GPR17: variants seen among roughly 807,000 people sequenced by gnomAD.
GPR17 encodes the protein uracil nucleotide/cysteinyl leukotriene receptor.
GPR17 carries 4 observed loss-of-function variants against 1.5 expected under a neutral mutation model. The observed-to-expected ratio is 2.73, with a 90% CI of 1.35 to 6.25. The LOEUF (loss-of-function observed/expected upper bound fraction) is 6.25, where lower values mean the gene tolerates loss of function less well. Ranked by LOEUF, GPR17 falls within the 30% of genes most tolerant of loss-of-function variation. GPR17 has a pLI of 0.00. For missense variants in GPR17, 463 were observed against 462.1 expected (o/e 1.00, Z -0.02); for synonymous variants, 209 against 207.6 (o/e 1.01, Z -0.06).
intron 1 of GPR17, chr2:127,649,797 G>A (rs891203643): frequency 2.5e-5 from 14 of 563,728 alleles, no homozygotes; most frequent in Non-Finnish European, 4.4e-5. Context: ...CTTCAAACGT[G>A]GGCAAGCCAC....
chr2:127,651,941 GCCAC>G lies in GPR17; in HGVS notation c.*189_*192del. ...AAGAACTGACAAAGGGGATCCATCG[GCCAC>G]CCCTCTGCAGGGGCTTGTGATGGCT... is the stretch of plus-strand genomic sequence containing the variant. On this transcript the variant is annotated 3_prime_UTR_variant, in exon 2 of 2. Coordinates refer to ENST00000486700, the MANE Select transcript of GPR17 (RefSeq NM_001161417.2). 1.6e-6 allele frequency: 1 copy of G among 633,680 alleles called. No individual in the cohort carries two copies. The allele number at this position is 633,680 out of a possible 1,614,324, so 39.3% of individuals were successfully genotyped here. A position where few individuals can be genotyped will look rare whatever the true frequency, so the allele number is the denominator to read the frequency against.
In GPR17 at chr2:127,651,554, C is replaced by T; in HGVS notation, c.819C>T (p.Arg273=). ...RSHGASCATQ[R]ILALANRITS... ...ATGGGGCCTCCTGCGCCACCCAGCG[C>T]ATCCTGGCCCTGGCAAACCGCATCA... Residue 273 remains arginine, a synonymous_variant, in exon 2 of 2, where the codon CGC becomes CGT. Coordinates refer to ENST00000486700, the MANE Select transcript of GPR17 (RefSeq NM_001161417.2). 7 of 1,612,686 alleles carry T rather than the reference C, an allele frequency of 4.3e-6. No homozygotes were observed. Among genetic ancestry groups the T allele is most frequent in the Non-Finnish European group, 5.9e-6 (7 of 1,180,044 alleles).
chr2:127,648,760 A>C (rs971327700), intron 1 of GPR17, among the ~76,000 whole-genome samples: 15 of 151,622 alleles, frequency 9.9e-5, no homozygotes, highest in Admixed American at 1.3e-4. Context: ...TCTCTACCAA[A>C]AAATACAAAA....
chr2:127,650,662 G>A (rs1047914523), intron 1 of GPR17, 54 bp from the exon 2 acceptor site: 44 of 1,270,212 alleles, frequency 3.5e-5, no homozygotes, highest in Middle Eastern at 1.9e-4. Context: ...TTCAGAGAGC[G>A]TGAAGCTGCC....
Position 127,650,707 on chromosome 2 carries a change from T to A in GPR17, c.-20-9T>A, listed in dbSNP as rs775068222. On this transcript the variant is annotated splice_polypyrimidine_tract_variant and intron_variant, in intron 1 of 1. Transcript: ENST00000486700. ...AGCTCATTGTGAACTGTTTGCTTGT[T>A]CCCTCCAGGCTCTGACTCCAGCCAA... 6.3e-7 allele frequency: 1 copy of A among 1,587,634 alleles called. No individual in the cohort carries two copies. The highest frequency in any genetic ancestry group is 1.1e-5 in the South Asian group (1 of 89,614).
rs1416470073 is a variant in GPR17, at chr2:127,651,074, CAACAT to C, written c.340_344del (p.Asn114ValfsTer187). On this transcript the variant is annotated frameshift_variant, in exon 2 of 2. Transcript: ENST00000486700. LOFTEE classifies it low-confidence loss of function (END_TRUNC). ...GTCTCACCGGCTTCCTCTTCTACCTCAACATGTACGCCAGCATCTACTTCCTCACC... is the reference window on the plus strand; with the variant it reads ...GTCTCACCGGCTTCCTCTTCTACCTCGTACGCCAGCATCTACTTCCTCACC... 6.2e-7 allele frequency: 1 copy of C among 1,613,774 alleles called. No individual in the cohort carries two copies. The highest frequency in any genetic ancestry group is 1.7e-5 in the Admixed American group (1 of 60,028).
rs1466147248 is a variant in GPR17, at chr2:127,647,837, C to T, written c.-21+1593C>T. 2.0e-5 allele frequency among the ~76,000 whole-genome samples: 3 copies of T among 152,074 alleles called. No individual in the cohort carries two copies. The highest frequency in any genetic ancestry group is 7.2e-5 in the African/African-American group (3 of 41,402). On this transcript the variant is annotated intron_variant, in intron 1 of 1. Transcript: ENST00000486700. The surrounding 1 kb of genome is among the most constrained non-coding windows in gnomAD (Gnocchi z 4.3). Reference sequence around the variant, plus strand: ...GTCCTCACCCCCAGCACATGCAACACGACACCCTCAAAGTCATGGGCCCCC... The same window carrying T: ...GTCCTCACCCCCAGCACATGCAACATGACACCCTCAAAGTCATGGGCCCCC...
chr2:127,650,100 A>T, intron 1 of GPR17: 1 of 1,587,934 alleles, frequency 6.3e-7, no homozygotes. Flanking sequence ...TAGACCTCTG[A>T]CGTCCCAGGG....
chr2:127,651,830 C>G lies in GPR17; in HGVS notation c.*75C>G, dbSNP rs1411869075. On this transcript the variant is annotated 3_prime_UTR_variant, in exon 2 of 2. Transcript: ENST00000486700. ...CCCAGCAAGAGGCATCTGCCCTTTC[C>G]CCAGCCACCTCCCCAGCAAGCAACC... 3 of 1,389,264 alleles carry G rather than the reference C, an allele frequency of 2.2e-6. No individual in the cohort carries two copies. The East Asian group carries it at 6.9e-5, about 32-fold the overall frequency. The allele number at this position is 1,389,264 out of a possible 1,614,324, so 86.1% of individuals were successfully genotyped here.
At position 127,650,976 on chromosome 2, in the gene GPR17, G is replaced by A. The variant is rs141840938; in HGVS notation, c.241G>A (p.Val81Met). The A allele has an allele frequency of 3.0e-3, 4,844 of 1,613,810 alleles. 16 individuals are homozygous for A. Among genetic ancestry groups the A allele is most frequent in the Middle Eastern group, 0.01 (62 of 6,062 alleles). Residue 81 changes from valine (V) to methionine (M), a missense_variant, in exon 2 of 2, where the codon GTG (valine) becomes ATG (methionine). Coordinates refer to ENST00000486700, the MANE Select transcript of GPR17 (RefSeq NM_001161417.2). ...MHLAVADLSC[V>M]LVLPTRLVYH... is the part of the protein sequence containing the mutation. ...TCTGGCCGTGGCCGACTTGTCGTGC[G>A]TGCTGGTCCTGCCCACCCGCCTGGT...
chr2:127,649,148 TGAGA>T (rs1281065924), intron 1 of GPR17, among the ~76,000 whole-genome samples: 1 of 69,224 alleles, frequency 1.4e-5, no homozygotes, highest in Non-Finnish European at 3.3e-5. Context: ...CAAAGCGAAG[TGAGA>T]GAGAGAGGAA....
At chr2:127,649,153 G>A (rs1006019141) in intron 1 of GPR17, among the ~76,000 whole-genome samples, 26 of 88,632 alleles carry the variant, frequency 2.9e-4, no homozygotes, top group African/African-American at 1.0e-3. Flanking sequence ...CGAAGTGAGA[G>A]AGAGAGGAAG....
Position 127,647,943 on chromosome 2 carries a change from T to C in GPR17, c.-21+1699T>C. The C allele has an allele frequency of 1.2e-6, 1 of 867,708 alleles. No individual in the cohort carries two copies. Among genetic ancestry groups the C allele is most frequent in the Non-Finnish European group, 1.4e-6 (1 of 722,456 alleles). The allele number at this position is 867,708 out of a possible 1,614,324, so 53.8% of individuals were successfully genotyped here. On this transcript the variant is annotated intron_variant, in intron 1 of 1. Transcript: ENST00000486700. The surrounding 1 kb of genome is among the most constrained non-coding windows in gnomAD (Gnocchi z 4.3). ...CCCTGTCAAGGGCTGTGTTCCTCCC[T>C]CCTTTTACCTCTCCTCCACAGCCCC...
At chr2:127,649,116 TAAAG>T (rs763734930) in intron 1 of GPR17, among the ~76,000 whole-genome samples, 16 of 103,764 alleles carry the variant, frequency 1.5e-4, no homozygotes, top group East Asian at 1.4e-3. Flanking sequence ...AAAAGGAAAA[TAAAG>T]AAAAGCAAGC....
At chr2:127,646,307 G>A (rs55674623) in intron 1 of GPR17, 63 bp downstream of exon 1, 5,907 of 152,346 alleles carry the variant, frequency 0.039, 143 homozygotes, top group African/African-American at 0.059. Flanking sequence ...AACACTCAGC[G>A]GGGAGCCCTG....
Position 127,647,089 on chromosome 2 carries a change from C to A in GPR17, c.-21+845C>A, listed in dbSNP as rs1008134834. On this transcript the variant is annotated intron_variant, in intron 1 of 1. Transcript: ENST00000486700. This position sits in a 1 kb window ranked among gnomAD's most constrained non-coding sequence, Gnocchi z 4.3. ...GAGGCAGGAGGCACCACAGGCCCAC[C>A]TGGTGCCATGAGATATGCCACCCCT... 2.6e-5 allele frequency among the ~76,000 whole-genome samples: 4 copies of A among 152,228 alleles called. No homozygotes were observed. The highest frequency in any genetic ancestry group is 5.9e-5 in the Non-Finnish European group (4 of 68,034).
chr2:127,652,011 G>GGA lies in GPR17; in HGVS notation c.*262_*263dup, dbSNP rs1390989853. 1.3e-5 allele frequency: 7 copies of GGA among 539,054 alleles called. No individual in the cohort carries two copies. The highest frequency in any genetic ancestry group is 2.4e-5 in the Non-Finnish European group (7 of 295,978). 33.4% of individuals were successfully genotyped at this position (539,054 alleles called of 1,614,324 possible). The stretch of plus-strand genomic sequence containing the variant: ...CACTCAACGACTTCATCTGTGGCAG[G>GGA]GAGAGAGGAGGCCGGAAGAACAACC... On this transcript the variant is annotated 3_prime_UTR_variant, in exon 2 of 2. Transcript: ENST00000486700.
chr2:127,651,365 C>G lies in GPR17; in HGVS notation c.630C>G (p.Thr210=). The change falls in exon 2 of 2, where the codon ACC becomes ACG. Residue 210 remains threonine, a synonymous_variant. Coordinates refer to ENST00000486700, the MANE Select transcript of GPR17 (RefSeq NM_001161417.2). ...AFTFPFITTV[T]CYLLIIRSLR... ...CCTTCCCGTTCATCACCACGGTCAC[C>G]TGCTACCTGCTGATCATCCGCAGCC... 1 of 1,612,538 alleles carries G rather than the reference C, an allele frequency of 6.2e-7. No homozygotes were observed. The highest frequency in any genetic ancestry group is 8.5e-7 in the Non-Finnish European group (1 of 1,180,050).
Position 127,647,976 on chromosome 2 carries a change from G to A in GPR17, c.-21+1732G>A. 1.0e-6 allele frequency: 1 copy of A among 972,092 alleles called. No individual in the cohort carries two copies. The highest frequency in any genetic ancestry group is 4.7e-5 in the South Asian group (1 of 21,070). The allele number at this position is 972,092 out of a possible 1,614,324, so 60.2% of individuals were successfully genotyped here. On this transcript the variant is annotated intron_variant, in intron 1 of 1. Transcript: ENST00000486700. The surrounding 1 kb of genome is among the most constrained non-coding windows in gnomAD (Gnocchi z 4.3). ...CCTCTCCTCCACAGCCCCCTTCACA[G>A]CCCTCAGCCCTTCCCCAGGGCTTCA...
Sources: allele counts gnomAD v4.1 joint callset (sites outside exome capture counted in the v4.1 genomes callset), GRCh38; gene constraint gnomAD v4.1.1; non-coding constraint Gnocchi (gnomAD v3.1); transcripts MANE v1.5; gene names NCBI Gene and HGNC (gene_info 2026-07-23, HGNC 2026-07-21).